CDH20: variants seen among roughly 807,000 people sequenced by gnomAD.
CDH20 encodes cadherin 20, also known as cadherin-20.
CDH20 carries 29 observed loss-of-function variants against 74.2 expected under a neutral mutation model. The ratio of observed to expected loss-of-function variants is 0.39; its 90% CI spans 0.29 to 0.53. The LOEUF (loss-of-function observed/expected upper bound fraction) is 0.53, where lower values mean the gene tolerates loss of function less well. CDH20 is among the 20% of genes least tolerant of loss of function. CDH20 has a pLI of 0.69. For missense variants in CDH20, 988 were observed against 1,048.3 expected (o/e 0.94, Z 0.79); for synonymous variants, 469 against 405.4 (o/e 1.16, Z -1.88).
rs541430457 is a variant in CDH20, at chr18:61,545,109, C to T, written c.1613C>T (p.Ala538Val). 38 of 1,613,598 alleles carry T rather than the reference C, an allele frequency of 2.4e-5. No individual in the cohort carries two copies. The East Asian group carries it at 7.8e-4, about 33-fold the overall frequency. Residue 538 changes from alanine (A) to valine (V), a missense_variant, in exon 10 of 12, where the codon GCT becomes GTT. Around this residue, in one of 2 missense-constraint regions of CDH20, gnomAD observed 613 missense variants for 755.2 expected, o/e 0.81. Transcript: ENST00000262717. ...HFYYSLAPEA[A>V]NNPNFTIRDN... ...TACTACAGCTTGGCTCCTGAGGCTG[C>T]TAACAACCCCAACTTTACCATAAGG...
intron 1 of CDH20, among the ~76,000 whole-genome samples, chr18:61,376,715 A>T (rs1052228470): frequency 6.6e-6 from 1 of 152,312 alleles, no homozygotes; most frequent in Admixed American, 6.5e-5. Flanking sequence ...TATGAGTAAA[A>T]TAAGTTTAGC....
At chr18:61,367,667 C>T (rs145567418) in intron 1 of CDH20, among the ~76,000 whole-genome samples, 153 of 152,278 alleles carry the variant, frequency 1.0e-3, no homozygotes, top group African/African-American at 3.5e-3. Flanking sequence ...TTCTGCCCTC[C>T]TCTTCTACAT....
At chr18:61,492,866 A>C (rs1911008659) in intron 2 of CDH20, among the ~76,000 whole-genome samples, 1 of 152,222 alleles carries the variant, frequency 6.6e-6, no homozygotes, top group Non-Finnish European at 1.5e-5. Flanking sequence ...CCCAAGGCCT[A>C]ACACAGCATT....
chr18:61,343,056 C>T (rs1302680883), intron 1 of CDH20, among the ~76,000 whole-genome samples: 1 of 152,156 alleles, frequency 6.6e-6, no homozygotes, highest in Non-Finnish European at 1.5e-5. Context: ...AATAGATGGT[C>T]TATTAGACTC....
intron 1 of CDH20, among the ~76,000 whole-genome samples, chr18:61,358,454 T>C (rs184831317): frequency 1.2e-4 from 19 of 152,288 alleles, no homozygotes; most frequent in African/African-American, 4.6e-4. Context: ...TTTCTTGATA[T>C]TTGAAATATT....
chr18:61,498,552 G>A lies in CDH20; in HGVS notation c.247-634G>A, dbSNP rs927536863. Among the ~76,000 whole-genome samples the A allele has an allele frequency of 6.1e-4, 93 of 152,212 alleles. 2 individuals are homozygous for A. The highest frequency in any genetic ancestry group is 1.9e-3 in the African/African-American group (80 of 41,528). On this transcript the variant is annotated intron_variant, in intron 2 of 11. Transcript: ENST00000262717. ...GTCCCATCTAAAGGAGACACACACC[G>A]ATGTAAAGAATCATAACCAGCAGTT...
At chr18:61,339,360 T>TACACACACACACAC (rs35630137) in intron 1 of CDH20, among the ~76,000 whole-genome samples, 5 of 145,846 alleles carry the variant, frequency 3.4e-5, no homozygotes, top group African/African-American at 1.3e-4. Context: ...GCAAGTTTAT[T>TACACACACACACAC]ACACACACAC....
Position 61,533,286 on chromosome 18 carries a change from G to A in CDH20, c.1272-3207G>A, listed in dbSNP as rs897167025. Among the ~76,000 whole-genome samples the A allele has an allele frequency of 7.9e-5, 12 of 152,116 alleles. 2 individuals are homozygous for A. Among genetic ancestry groups the A allele is most frequent in the Admixed American group, 7.2e-4 (11 of 15,250 alleles). ...CATGCCACTGCACCACTCCAGCCTG[G>A]ATGACAGAAAGAGAACCCATTTCTA... On this transcript the variant is annotated intron_variant, in intron 7 of 11. Coordinates refer to ENST00000262717, the MANE Select transcript of CDH20 (RefSeq NM_031891.4).
chr18:61,348,792 G>T (rs1230550995), intron 1 of CDH20, among the ~76,000 whole-genome samples: 1 of 152,170 alleles, frequency 6.6e-6, no homozygotes, highest in East Asian at 1.9e-4. Context: ...TTGGGAGGGA[G>T]CAGTAAGGCA....
chr18:61,520,889 C>T lies in CDH20; in HGVS notation c.1018-7078C>T, dbSNP rs553060996. On this transcript the variant is annotated intron_variant, in intron 6 of 11. Coordinates refer to ENST00000262717, the MANE Select transcript of CDH20 (RefSeq NM_031891.4). ...GAAATAAGCTTCTTTGAAACCAGAA[C>T]AACATACCAGAATCTCTGGGACACC... Among the ~76,000 whole-genome samples the T allele has an allele frequency of 1.9e-3, 282 of 150,672 alleles. 14 individuals are homozygous for T. The highest frequency in any genetic ancestry group is 6.5e-3 in the African/African-American group (262 of 40,574).
At chr18:61,539,247 C>A (rs11875000) in intron 9 of CDH20, 102 bp downstream of exon 9, 46 of 1,176,382 alleles carry the variant, frequency 3.9e-5, no homozygotes, top group Non-Finnish European at 5.7e-5. Flanking sequence ...ACTCCAGAAA[C>A]GAACAGTTCA....
chr18:61,419,495 C>A (rs1346660781), intron 1 of CDH20, among the ~76,000 whole-genome samples: 1 of 152,130 alleles, frequency 6.6e-6, no homozygotes, highest in African/African-American at 2.4e-5. Context: ...CTGATCATAA[C>A]AAATTACTCT....
intron 2 of CDH20, 30 bp downstream of exon 2, chr18:61,490,829 G>A (rs1910935645): frequency 6.2e-7 from 1 of 1,608,870 alleles, no homozygotes; most frequent in Admixed American, 1.7e-5. Context: ...AATGACCCGG[G>A]TATTGGATAT....
At chr18:61,517,271 G>C (rs1228517389) in intron 6 of CDH20, among the ~76,000 whole-genome samples, 1 of 152,152 alleles carries the variant, frequency 6.6e-6, no homozygotes, top group East Asian at 1.9e-4. Context: ...AAGAGTTTCT[G>C]CTCTTCAAAG....
rs781229031 is a variant in CDH20, at chr18:61,403,974, C to T, written c.-153+70147C>T. Among the ~76,000 whole-genome samples, 10 of 152,102 alleles carry T rather than the reference C, an allele frequency of 6.6e-5. 1 individual carries two copies. In the South Asian group the frequency reaches 8.3e-4, roughly 13 times the overall value. ...GAAGTCATTATCCTCTGCAGACTAA[C>T]GTGGGAACAGAAAACCAAACAACAC... On this transcript the variant is annotated intron_variant, in intron 1 of 11. Transcript: ENST00000262717.
Position 61,333,807 on chromosome 18 carries a change from G to A in CDH20, c.-173G>A, listed in dbSNP as rs79047474. ...GAGCAGTTAGGACCGAAGGTCTCCG[G>A]AGAGTCGCCGGCGGTGCCAGGTAAC... On this transcript the variant is annotated 5_prime_UTR_variant, in exon 1 of 12. Coordinates refer to ENST00000262717, the MANE Select transcript of CDH20 (RefSeq NM_031891.4). 0.014 allele frequency: 2,065 copies of A among 152,380 alleles called. 18 individuals are homozygous for A. The highest frequency in any genetic ancestry group is 0.034 in the South Asian group (163 of 4,838). 9.4% of individuals were successfully genotyped at this position (152,380 alleles called of 1,614,324 possible).
Position 61,550,186 on chromosome 18 carries a change from G to C in CDH20, c.1857G>C (p.Arg619=), listed in dbSNP as rs773583748. ...ACATGCTCCCAGTCAGTTTGAGCCG[G>C]GGCGCCCTCATTGCCATCCTCGCCT... is the stretch of plus-strand genomic sequence containing the variant. ...EAYMLPVSLS[R]GALIAILACI... Residue 619 remains arginine, a synonymous_variant, in exon 11 of 12, where the codon CGG becomes CGC. Transcript: ENST00000262717. 1 of 1,613,916 alleles carries C rather than the reference G, an allele frequency of 6.2e-7. No individual in the cohort carries two copies. Among genetic ancestry groups the C allele is most frequent in the Non-Finnish European group, 8.5e-7 (1 of 1,180,038 alleles).
chr18:61,416,516 T>C (rs556464548), intron 1 of CDH20, among the ~76,000 whole-genome samples: 207 of 152,370 alleles, frequency 1.4e-3, no homozygotes, highest in Non-Finnish European at 2.0e-3. Context: ...TTTTCTGCTC[T>C]GTCATTCTCA....
At chr18:61,423,608 C>G in intron 1 of CDH20, among the ~76,000 whole-genome samples, 1 of 151,742 alleles carries the variant, frequency 6.6e-6, no homozygotes. Flanking sequence ...TAGATCTATG[C>G]TACATTTTAT....
Sources: gnomAD v4.1 joint callset for allele counts (sites outside exome capture counted in the v4.1 genomes callset) on GRCh38, gnomAD v4.1.1 for gene constraint, gnomAD v4.1.1 regional missense constraint, MANE v1.5 for transcripts, NCBI Gene and HGNC (gene_info 2026-07-23, HGNC 2026-07-21) for gene names.